DTD1: variants seen among roughly 807,000 people sequenced by gnomAD.
DTD1 encodes D-tyrosyl-tRNA deacylase 1 homolog.
DTD1 carries 13 observed loss-of-function variants against 25.6 expected under a neutral mutation model. That is an observed-to-expected ratio of 0.51 (90% CI 0.33 to 0.81). The LOEUF is 0.81. DTD1 is among the 30% of genes least tolerant of loss of function. The pLI, the probability that DTD1 is intolerant of heterozygous loss-of-function variation, is 0.02. For missense variants in DTD1, 193 were observed against 266.4 expected, an observed-to-expected ratio of 0.72 and a Z score of 1.92; for synonymous variants, 110 against 103.6, an observed-to-expected ratio of 1.06 and a Z score of -0.37.
intron 5 of DTD1, among the ~76,000 whole-genome samples, chr20:18,763,088 T>C (rs2061369108): frequency 1.3e-5 from 2 of 152,172 alleles, no homozygotes; most frequent in South Asian, 4.1e-4. Flanking sequence ...GCAAAAGCCA[T>C]TTAGAAGTGT....
At chr20:18,618,718 AT>A (rs1235552916) in intron 3 of DTD1, among the ~76,000 whole-genome samples, 6 of 94,998 alleles carry the variant, frequency 6.3e-5, no homozygotes, top group Admixed American at 1.1e-4. Context: ...CACACATATA[AT>A]TTTTTTTTTT....
At chr20:18,721,015 C>T (rs989968403) in intron 4 of DTD1, among the ~76,000 whole-genome samples, 1 of 152,168 alleles carries the variant, frequency 6.6e-6, no homozygotes, top group African/African-American at 2.4e-5. Flanking sequence ...TGTAGATAGT[C>T]ATGCCATCTG....
intron 4 of DTD1, among the ~76,000 whole-genome samples, chr20:18,646,730 G>A (rs139230699): frequency 1.2e-4 from 18 of 152,138 alleles, no homozygotes; most frequent in Non-Finnish European, 2.4e-4. Flanking sequence ...TTCCTCATGT[G>A]CCCTCATTGG....
At chr20:18,752,778 T>C (rs2061325667) in intron 5 of DTD1, among the ~76,000 whole-genome samples, 1 of 152,208 alleles carries the variant, frequency 6.6e-6, no homozygotes. Flanking sequence ...TCTATTCAAA[T>C]ATTTTTGTCT....
intron 4 of DTD1, among the ~76,000 whole-genome samples, chr20:18,704,675 C>T (rs1250579614): frequency 6.6e-6 from 1 of 152,130 alleles, no homozygotes; most frequent in East Asian, 1.9e-4. Context: ...GGGAGGAGGA[C>T]ATGCTACCTA....
At chr20:18,695,863 G>T (rs2122448577) in intron 4 of DTD1, among the ~76,000 whole-genome samples, 1 of 151,886 alleles carries the variant, frequency 6.6e-6, no homozygotes, top group East Asian at 2.0e-4. Context: ...TTTTTGTAGA[G>T]ATGGGGTTCT....
At chr20:18,603,492 C>T (rs1340692456) in intron 3 of DTD1, among the ~76,000 whole-genome samples, 3 of 83,208 alleles carry the variant, frequency 3.6e-5, no homozygotes, top group Non-Finnish European at 7.6e-5. Flanking sequence ...CACCACACCA[C>T]ACCTATTCCA....
At chr20:18,642,596 A>T (rs1229819628) in intron 4 of DTD1, among the ~76,000 whole-genome samples, 1 of 152,064 alleles carries the variant, frequency 6.6e-6, no homozygotes, top group Non-Finnish European at 1.5e-5. Context: ...CAGAAGGCTT[A>T]GCTTGCAGTT....
intron 4 of DTD1, among the ~76,000 whole-genome samples, chr20:18,708,211 T>A (rs371204979): frequency 0.56 from 19,839 of 35,566 alleles, 4,795 homozygotes; most frequent in Non-Finnish European, 0.65. Context: ...ATATATTTTA[T>A]ATATATAATA....
At chr20:18,632,518 CT>C (rs1337360997) in intron 4 of DTD1, 1 of 985,292 alleles carries the variant, frequency 1.0e-6, no homozygotes, top group Non-Finnish European at 1.2e-6. Flanking sequence ...AATTTGCTTG[CT>C]TTTGTGTTGA....
chr20:18,629,982 C>A (rs1347088679), intron 4 of DTD1, among the ~76,000 whole-genome samples: 1 of 152,008 alleles, frequency 6.6e-6, no homozygotes, highest in African/African-American at 2.4e-5. Flanking sequence ...GCTGGGGATT[C>A]CAATTCAACA....
intron 4 of DTD1, among the ~76,000 whole-genome samples, chr20:18,661,876 G>T (rs2060913002): frequency 6.6e-6 from 1 of 152,188 alleles, no homozygotes; most frequent in Non-Finnish European, 1.5e-5. Context: ...AAGAGACCAG[G>T]CACAGTGGCT....
At chr20:18,596,293 G>C (rs2060611436) in intron 3 of DTD1, 52 bp downstream of exon 3, 1 of 1,479,756 alleles carries the variant, frequency 6.8e-7, no homozygotes. Context: ...CTCCTGGATG[G>C]AGAGAAAAAA....
chr20:18,679,056 T>C (rs903485962), intron 4 of DTD1: 7 of 152,224 alleles, frequency 4.6e-5, no homozygotes, highest in African/African-American at 1.7e-4. Flanking sequence ...TTCTATAGTA[T>C]TCAGAGTTAA....
intron 4 of DTD1, among the ~76,000 whole-genome samples, chr20:18,711,405 C>A (rs564337261): frequency 1.3e-5 from 2 of 152,328 alleles, no homozygotes; most frequent in East Asian, 3.9e-4. Context: ...CCTGTGAACT[C>A]TCCCTAGGTG....
At chr20:18,649,337 T>TTTTTTTTG (rs2060864520) in intron 4 of DTD1, among the ~76,000 whole-genome samples, 1 of 110,080 alleles carries the variant, frequency 9.1e-6, no homozygotes, top group Non-Finnish European at 2.0e-5. Context: ...TTTTTTTTTT[T>TTTTTTTTG]TTTTTTTTTT....
At chr20:18,671,160 T>C (rs1298814941) in intron 4 of DTD1, among the ~76,000 whole-genome samples, 1 of 152,218 alleles carries the variant, frequency 6.6e-6, no homozygotes, top group African/African-American at 2.4e-5. Context: ...CACATGACAT[T>C]CTCATGTAAG....
chr20:18,592,856 T>C (rs1162416090), intron 1 of DTD1, among the ~76,000 whole-genome samples: 1 of 152,072 alleles, frequency 6.6e-6, no homozygotes, highest in Non-Finnish European at 1.5e-5. Context: ...CTAATTTTTG[T>C]ATTTTTATTA....
chr20:18,600,008 T>A (rs2060627263), intron 3 of DTD1, among the ~76,000 whole-genome samples: 1 of 152,250 alleles, frequency 6.6e-6, no homozygotes, highest in African/African-American at 2.4e-5. Context: ...CAAATATTTA[T>A]CCTTATAGGA....
Sources: allele counts gnomAD v4.1 joint callset (sites outside exome capture counted in the v4.1 genomes callset), GRCh38; gene constraint gnomAD v4.1.1; transcripts MANE v1.5; gene names NCBI Gene and HGNC (gene_info 2026-07-23, HGNC 2026-07-21).